SLC19A3: variants seen among roughly 807,000 people sequenced by gnomAD.
SLC19A3 encodes the protein solute carrier family 19 member 3.
In SLC19A3, 31 loss-of-function variants were observed where a neutral mutation model predicts 40.2. The observed-to-expected ratio is 0.77, with a 90% CI of 0.58 to 1.04. SLC19A3 has a LOEUF of 1.04. SLC19A3 is among the 50% of genes least tolerant of loss of function. The pLI is 0.00. For synonymous variants in SLC19A3, 212 were observed against 227.5 expected (o/e 0.93, Z 0.61); for missense variants, 592 against 596.7 (o/e 0.99, Z 0.08).
Position 227,687,342 on chromosome 2 carries a change from C to CTT in SLC19A3, c.*53_*54dup. 6.5e-7 allele frequency: 1 copy of CTT among 1,536,474 alleles called. No homozygotes were observed. The highest frequency in any genetic ancestry group is 8.8e-7 in the Non-Finnish European group (1 of 1,135,412). On this transcript the variant is annotated 3_prime_UTR_variant, in exon 6 of 6. Transcript: ENST00000644224. ...AAACATATGCCACCCATCTCAAAAT[C>CTT]TTTCCTTATTATTGCATAACTTTGA...
At chr2:227,707,453 C>T (rs551724182) in intron 1 of SLC19A3, among the ~76,000 whole-genome samples, 44 of 152,014 alleles carry the variant, frequency 2.9e-4, no homozygotes, top group African/African-American at 8.9e-4. Flanking sequence ...CATGGTGATG[C>T]GCACCTGTAA....
chr2:227,709,482 C>T (rs755399914), intron 1 of SLC19A3, among the ~76,000 whole-genome samples: 3 of 151,872 alleles, frequency 2.0e-5, no homozygotes, highest in Non-Finnish European at 2.9e-5. Flanking sequence ...AGACTCTGTC[C>T]CAAAAACAAC....
chr2:227,701,892 A>T (rs1695709687), intron 2 of SLC19A3: 1 of 383,194 alleles, frequency 2.6e-6, no homozygotes, highest in African/African-American at 2.1e-5. Context: ...TAATAGAATC[A>T]ACGGAGACCT....
At chr2:227,697,186 A>T (rs1341033385) in intron 3 of SLC19A3, among the ~76,000 whole-genome samples, 1 of 152,072 alleles carries the variant, frequency 6.6e-6, no homozygotes, top group East Asian at 1.9e-4. Flanking sequence ...CCCCCCATGG[A>T]TTTGGAATGT....
At chr2:227,694,183 T>G (rs956023029) in intron 4 of SLC19A3, among the ~76,000 whole-genome samples, 1 of 152,216 alleles carries the variant, frequency 6.6e-6, no homozygotes, top group Non-Finnish European at 1.5e-5. Flanking sequence ...ATTTTTGTAT[T>G]TTTAGTAGAT....
At chr2:227,706,817 G>T (rs193075381) in intron 1 of SLC19A3, 1 of 152,550 alleles carries the variant, frequency 6.6e-6, no homozygotes, top group East Asian at 1.9e-4. Context: ...CAGCCTATCA[G>T]GCTCTCACGA....
At chr2:227,701,635 TA>T (rs59125996) in intron 2 of SLC19A3, 62,947 of 143,238 alleles carry the variant, frequency 0.44, 14,183 homozygotes, top group Non-Finnish European at 0.51. Context: ...CAAAAACAAT[TA>T]AAAAAAAAAA....
At position 227,714,565 on chromosome 2, in the gene SLC19A3, C is replaced by G. The variant is rs894673599; in HGVS notation, c.-3+3378G>C. On this transcript the variant is annotated intron_variant, in intron 1 of 5. Transcript: ENST00000644224. ...CCACTATGAAAATCCCTTTCCATAC[C>G]CTGGAGTCTCTTGTCCTCCTCCTTC... The G allele has an allele frequency of 2.2e-5, 22 of 985,162 alleles. No homozygotes were observed. In the Admixed American group the frequency reaches 3.7e-4, roughly 17 times the overall value. 61.0% of individuals were successfully genotyped at this position (985,162 alleles called of 1,614,324 possible).
intron 3 of SLC19A3, 141 bp downstream of exon 3, chr2:227,698,595 G>A: frequency 6.2e-6 from 5 of 805,256 alleles, no homozygotes; most frequent in East Asian, 2.6e-5. Flanking sequence ...CACCATGCCC[G>A]GCCGTGACTT....
chr2:227,701,152 T>C (rs1006914792), intron 2 of SLC19A3: 13 of 1,220,722 alleles, frequency 1.1e-5, no homozygotes, highest in African/African-American at 1.6e-5. Flanking sequence ...GATCTGATGC[T>C]ACAGAAGAAG....
chr2:227,694,464 AT>A (rs568568046), intron 4 of SLC19A3, among the ~76,000 whole-genome samples: 51 of 152,146 alleles, frequency 3.4e-4, no homozygotes, highest in Non-Finnish European at 2.9e-5. Context: ...TCCTTTGATG[AT>A]TTTTTCCCAG....
chr2:227,688,324 A>G lies in SLC19A3; in HGVS notation c.1173-17T>C. The G allele has an allele frequency of 6.2e-7, 1 of 1,612,226 alleles. No individual in the cohort carries two copies. The highest frequency in any genetic ancestry group is 1.1e-5 in the South Asian group (1 of 91,028). ...ATCTGAAATCTATCATTAAACATAA[A>G]TAAGCATTTTAACTATAATATACAT... On this transcript the variant is annotated splice_polypyrimidine_tract_variant and intron_variant, in intron 4 of 5. Transcript: ENST00000644224.
At position 227,704,879 on chromosome 2, in the gene SLC19A3, CATTATT is replaced by C. The variant is rs71039630; in HGVS notation, c.-2-2565_-2-2560del. ...AAATTTAGTATGGGGTTGCAAACAG[CATTATT>C]ATTATTATTATTTGAGATGGAGTCT... On this transcript the variant is annotated intron_variant, in intron 1 of 5. Coordinates refer to ENST00000644224, the MANE Select transcript of SLC19A3 (RefSeq NM_025243.4). Among the ~76,000 whole-genome samples, 6 of 151,136 alleles carry C rather than the reference CATTATT, an allele frequency of 4.0e-5. 1 individual carries two copies. The highest frequency in any genetic ancestry group is 1.5e-4 in the African/African-American group (6 of 41,220).
At chr2:227,704,693 C>A (rs759190332) in intron 1 of SLC19A3, among the ~76,000 whole-genome samples, 4 of 152,076 alleles carry the variant, frequency 2.6e-5, no homozygotes, top group Non-Finnish European at 5.9e-5. Context: ...GAGGCTGAGG[C>A]AGGAGGGTCA....
chr2:227,690,089 CA>C (rs1695163014), intron 4 of SLC19A3, among the ~76,000 whole-genome samples: 1 of 152,062 alleles, frequency 6.6e-6, no homozygotes, highest in African/African-American at 2.4e-5. Flanking sequence ...AAAGGAAAAA[CA>C]CTGCAAAACC....
In SLC19A3 at chr2:227,699,622, T is replaced by C. The variant is rs890206408; in HGVS notation, c.151-58A>G. On this transcript the variant is annotated intron_variant, in intron 2 of 5. Transcript: ENST00000644224. The stretch of plus-strand genomic sequence containing the variant: ...CACCGGTACTTTACTAAGGTACCTG[T>C]GGTTTGTATCTCAAATTCTGCCTCC... The C allele has an allele frequency of 2.2e-5, 31 of 1,436,952 alleles. No homozygotes were observed. In the African/African-American group the frequency reaches 2.2e-4, roughly 10 times the overall value. The allele number at this position is 1,436,952 out of a possible 1,614,324, so 89.0% of individuals were successfully genotyped here. A position where few individuals can be genotyped will look rare whatever the true frequency, so the allele number is the denominator to read the frequency against.
At chr2:227,700,825 C>T in intron 2 of SLC19A3, 1 of 829,354 alleles carries the variant, frequency 1.2e-6, no homozygotes, top group South Asian at 1.6e-5. Context: ...TGCATGGGAT[C>T]TCAATTTTCA....
intron 1 of SLC19A3, among the ~76,000 whole-genome samples, chr2:227,710,176 AG>A (rs1696089716): frequency 1.3e-5 from 2 of 152,094 alleles, no homozygotes; most frequent in South Asian, 4.1e-4. Flanking sequence ...AACAGGCCAT[AG>A]GACCCCTGAT....
At chr2:227,701,733 A>C (rs900862375) in intron 2 of SLC19A3, 1 of 159,168 alleles carries the variant, frequency 6.3e-6, no homozygotes, top group Admixed American at 6.2e-5. Context: ...GGGCTGGGAG[A>C]TAAAGCTGTT....
Sources: allele counts gnomAD v4.1 joint callset (sites outside exome capture counted in the v4.1 genomes callset), GRCh38; gene constraint gnomAD v4.1.1; transcripts MANE v1.5; gene names NCBI Gene and HGNC (gene_info 2026-07-23, HGNC 2026-07-21).